The following CPED1 variants were observed in gnomAD, a reference collection of about 807,000 sequenced individuals.
CPED1 encodes the protein cadherin-like and PC-esterase domain-containing protein 1.
Under a neutral mutation model 128.2 loss-of-function variants are expected in CPED1, and 114 were observed. That is an observed-to-expected ratio of 0.89 (90% CI 0.76 to 1.04). The LOEUF is 1.04. Ranked by LOEUF, CPED1 falls within the 50% of genes least tolerant of loss-of-function variation. The pLI, the probability that CPED1 is intolerant of heterozygous loss-of-function variation, is 0.00. For missense variants in CPED1, 1,211 were observed against 1,207.1 expected, an observed-to-expected ratio of 1.00 and a Z score of -0.05; for synonymous variants, 462 against 426.7, an observed-to-expected ratio of 1.08 and a Z score of -1.02.
chr7:121,263,845 A>G (rs546357009), intron 18 of CPED1, among the ~76,000 whole-genome samples: 2 of 152,106 alleles, frequency 1.3e-5, no homozygotes, highest in East Asian at 3.9e-4. Flanking sequence ...CTACAAGAAA[A>G]ACCCACACTG....
intron 16 of CPED1, among the ~76,000 whole-genome samples, chr7:121,208,776 C>A (rs1435209249): frequency 1.3e-5 from 2 of 151,852 alleles, no homozygotes; most frequent in Non-Finnish European, 2.9e-5. Flanking sequence ...AGTGTATGAC[C>A]AATGTTAGGG....
Position 121,267,752 on chromosome 7 carries a change from T to C in CPED1, c.2721+450T>C, listed in dbSNP as rs573620612. The stretch of plus-strand genomic sequence containing the variant: ...CAGAAAAGAAAAGAAAGATAGGATC[T>C]GTAGGGACGAGAACCAGCTGCTCTT... On this transcript the variant is annotated intron_variant, in intron 21 of 22. Coordinates refer to ENST00000310396, the MANE Select transcript of CPED1 (RefSeq NM_024913.5). Among the ~76,000 whole-genome samples the C allele has an allele frequency of 2.0e-5, 3 of 152,162 alleles. No homozygotes were observed. In the East Asian group the frequency reaches 5.8e-4, roughly 30 times the overall value.
chr7:121,248,641 A>G (rs1307484331), intron 18 of CPED1, among the ~76,000 whole-genome samples: 2 of 151,476 alleles, frequency 1.3e-5, no homozygotes, highest in Non-Finnish European at 2.9e-5. Context: ...AAGATGCCGT[A>G]CAGAGCCTTG....
intron 16 of CPED1, among the ~76,000 whole-genome samples, chr7:121,148,325 G>A (rs1315928942): frequency 2.0e-5 from 3 of 152,182 alleles, no homozygotes; most frequent in African/African-American, 7.2e-5. Context: ...GAGGTAATAG[G>A]TGTAGTAGCA....
rs559197583 is a variant in CPED1, at chr7:121,197,661, G to A, written c.2056-39053G>A. Among the ~76,000 whole-genome samples the A allele has an allele frequency of 6.0e-4, 91 of 152,220 alleles. 1 individual carries two copies. Among genetic ancestry groups the A allele is most frequent in the African/African-American group, 2.1e-3 (86 of 41,558 alleles). The stretch of plus-strand genomic sequence containing the variant: ...TGTGTGTGTGTTTGTGCATGCGCAT[G>A]TATGTGCTTAATAGAGGTAACAGTA... On this transcript the variant is annotated intron_variant, in intron 16 of 22. Transcript: ENST00000310396.
At chr7:121,119,251 A>T (rs1795326201) in intron 7 of CPED1, among the ~76,000 whole-genome samples, 1 of 118,232 alleles carries the variant, frequency 8.5e-6, no homozygotes. Context: ...TTTTTTTTTG[A>T]GATGGAGTCT....
At chr7:121,049,402 G>A (rs1020457444) in intron 4 of CPED1, among the ~76,000 whole-genome samples, 1 of 152,190 alleles carries the variant, frequency 6.6e-6, no homozygotes, top group Admixed American at 6.5e-5. Flanking sequence ...CCTGCAGAGA[G>A]GGAGCCTTGG....
chr7:121,056,625 T>C (rs938020057), intron 4 of CPED1, among the ~76,000 whole-genome samples: 3 of 152,224 alleles, frequency 2.0e-5, no homozygotes, highest in African/African-American at 7.2e-5. Flanking sequence ...CATTTACCAT[T>C]GTAAGTTTTC....
At chr7:121,024,079 A>T (rs1305221349) in intron 3 of CPED1, among the ~76,000 whole-genome samples, 3 of 152,108 alleles carry the variant, frequency 2.0e-5, no homozygotes, top group Non-Finnish European at 2.9e-5. Context: ...GGGTTATGAC[A>T]CACAGTAATT....
chr7:121,275,104 G>A (rs1792305990), intron 22 of CPED1, among the ~76,000 whole-genome samples: 2 of 152,160 alleles, frequency 1.3e-5, no homozygotes, highest in East Asian at 1.9e-4. Context: ...AGAAGGGTTG[G>A]TATAATCATT....
intron 3 of CPED1, among the ~76,000 whole-genome samples, chr7:121,022,879 G>GA (rs1432926245): frequency 4.0e-5 from 6 of 151,492 alleles, no homozygotes; most frequent in African/African-American, 1.5e-4. Flanking sequence ...TCTTTGCTTT[G>GA]AAAAAACATA....
chr7:121,020,559 ACT>A (rs1478987497), intron 3 of CPED1, among the ~76,000 whole-genome samples: 1 of 151,946 alleles, frequency 6.6e-6, no homozygotes, highest in Non-Finnish European at 1.5e-5. Context: ...TGATGATTCA[ACT>A]CTAGGACTGA....
At chr7:121,123,738 A>T (rs930392163) in intron 7 of CPED1, among the ~76,000 whole-genome samples, 2 of 152,206 alleles carry the variant, frequency 1.3e-5, no homozygotes, top group African/African-American at 4.8e-5. Context: ...TTAAAACATT[A>T]ACAGGACACT....
intron 2 of CPED1, among the ~76,000 whole-genome samples, chr7:120,998,352 G>C (rs1206118790): frequency 6.6e-6 from 1 of 152,026 alleles, no homozygotes; most frequent in Non-Finnish European, 1.5e-5. Context: ...TGTTACCTTG[G>C]GCACATTTCT....
At chr7:121,013,831 C>T (rs1585017847) in intron 2 of CPED1, among the ~76,000 whole-genome samples, 1 of 152,194 alleles carries the variant, frequency 6.6e-6, no homozygotes, top group East Asian at 1.9e-4. Context: ...CCTGTTTCTT[C>T]TTTCTTTCAA....
chr7:121,178,776 C>T (rs1584573047), intron 16 of CPED1, among the ~76,000 whole-genome samples: 1 of 151,968 alleles, frequency 6.6e-6, no homozygotes, highest in African/African-American at 2.4e-5. Context: ...TGCTAATGTT[C>T]GCAGGACAAG....
intron 16 of CPED1, among the ~76,000 whole-genome samples, chr7:121,220,653 T>C (rs1797854588): frequency 6.6e-6 from 1 of 152,012 alleles, no homozygotes; most frequent in African/African-American, 2.4e-5. Context: ...TTTAACATCT[T>C]AAATAATATT....
intron 2 of CPED1, among the ~76,000 whole-genome samples, chr7:121,003,396 A>G (rs776290230): frequency 6.6e-6 from 1 of 152,184 alleles, no homozygotes; most frequent in Non-Finnish European, 1.5e-5. Flanking sequence ...CTGCAACACA[A>G]TTGATCCCAT....
intron 4 of CPED1, among the ~76,000 whole-genome samples, chr7:121,060,760 C>T (rs1461856530): frequency 6.6e-6 from 1 of 152,190 alleles, no homozygotes; most frequent in Non-Finnish European, 1.5e-5. Flanking sequence ...TAAAAGCAGG[C>T]TGTCCCAGCC....
Sources: allele counts gnomAD v4.1 joint callset (sites outside exome capture counted in the v4.1 genomes callset), GRCh38; gene constraint gnomAD v4.1.1; transcripts MANE v1.5; gene names NCBI Gene and HGNC (gene_info 2026-07-23, HGNC 2026-07-21).